The following WWOX variants were observed in gnomAD, a reference collection of about 807,000 sequenced individuals.
The protein encoded by WWOX is WW domain-containing oxidoreductase.
Under a neutral mutation model 46.2 loss-of-function variants are expected in WWOX, and 69 were observed. The ratio of observed to expected loss-of-function variants is 1.49; its 90% CI spans 1.23 to 1.82. The LOEUF (loss-of-function observed/expected upper bound fraction) is 1.82, where lower values mean the gene tolerates loss of function less well. WWOX is among the 40% of genes most tolerant of loss of function. The pLI is 0.00. For synonymous variants in WWOX, 359 were observed against 202.6 expected (o/e 1.77, Z -6.56); for missense variants, 919 against 542.6 (o/e 1.69, Z -6.89).
chr16:78,999,889 C>T (rs1187259445), intron 8 of WWOX, among the ~76,000 whole-genome samples: 1 of 152,094 alleles, frequency 6.6e-6, no homozygotes, highest in African/African-American at 2.4e-5. Context: ...AAAAGAGTTA[C>T]TGTAATGATT....
chr16:78,115,129 G>A lies in WWOX; in HGVS notation c.384G>A (p.Val128=). 6.2e-7 allele frequency: 1 copy of A among 1,614,174 alleles called. No homozygotes were observed. The highest frequency in any genetic ancestry group is 8.5e-7 in the Non-Finnish European group (1 of 1,180,026). The part of the protein sequence containing the change: ...QGRDFTGKVV[V]VTGANSGIGF... Reference sequence around the variant, plus strand: ...GGGATTTCACTGGCAAAGTGGTTGTGGTCACTGGAGCTAATTCAGGAATAG... The same window carrying A: ...GGGATTTCACTGGCAAAGTGGTTGTAGTCACTGGAGCTAATTCAGGAATAG... Residue 128 remains valine (V), a synonymous_variant, in exon 4 of 9, where the codon GTG becomes GTA. Coordinates refer to ENST00000566780, the MANE Select transcript of WWOX (RefSeq NM_016373.4).
At chr16:78,120,245 C>T (rs2033021261) in intron 4 of WWOX, among the ~76,000 whole-genome samples, 1 of 152,080 alleles carries the variant, frequency 6.6e-6, no homozygotes, top group Non-Finnish European at 1.5e-5. Context: ...TTGGTCACTC[C>T]TCAATTTGTT....
At chr16:78,886,639 C>CATATATATATATATAT (rs3085495) in intron 8 of WWOX, among the ~76,000 whole-genome samples, 375 of 144,808 alleles carry the variant, frequency 2.6e-3, no homozygotes, top group African/African-American at 5.3e-3. Flanking sequence ...CAAAGAAAAA[C>CATATATATATATATAT]ATATATATAT....
At chr16:78,637,926 G>T (rs1462821584) in intron 8 of WWOX, among the ~76,000 whole-genome samples, 1 of 152,122 alleles carries the variant, frequency 6.6e-6, no homozygotes, top group Non-Finnish European at 1.5e-5. Flanking sequence ...TCCTTCCTCT[G>T]AGTTGGGGGA....
At chr16:78,156,932 G>GTCAGTCAA (rs958420450) in intron 4 of WWOX, among the ~76,000 whole-genome samples, 20 of 152,260 alleles carry the variant, frequency 1.3e-4, no homozygotes, top group Middle Eastern at 6.8e-3. Context: ...CTCTGTCTCA[G>GTCAGTCAA]TCAGTCAATC....
intron 8 of WWOX, among the ~76,000 whole-genome samples, chr16:78,499,541 T>G (rs1476904667): frequency 6.6e-6 from 1 of 152,250 alleles, no homozygotes; most frequent in African/African-American, 2.4e-5. Context: ...GCTGTCTCCT[T>G]GAGTCCACAA....
chr16:78,258,730 AAAAG>A (rs1228405104), intron 5 of WWOX, among the ~76,000 whole-genome samples: 3 of 151,130 alleles, frequency 2.0e-5, no homozygotes, highest in South Asian at 2.1e-4. Flanking sequence ...AAAAAAAAAA[AAAAG>A]GGCATATTCC....
intron 8 of WWOX, among the ~76,000 whole-genome samples, chr16:78,634,781 G>A (rs1252508898): frequency 6.6e-6 from 1 of 150,680 alleles, no homozygotes; most frequent in Non-Finnish European, 1.5e-5. Context: ...GAAGCTGAGG[G>A]CCAATAGTTT....
At chr16:78,159,692 T>TTA (rs1213886049) in intron 4 of WWOX, among the ~76,000 whole-genome samples, 5 of 148,734 alleles carry the variant, frequency 3.4e-5, no homozygotes, top group Admixed American at 3.3e-4. Context: ...TTTTTTTTTT[T>TTA]TTTGCTATTG....
chr16:78,319,176 C>T (rs907313437), intron 5 of WWOX, among the ~76,000 whole-genome samples: 4 of 151,928 alleles, frequency 2.6e-5, no homozygotes, highest in African/African-American at 4.8e-5. Flanking sequence ...TGGAGGGAGG[C>T]GGGCATGAGC....
chr16:78,904,059 G>A (rs1277138761), intron 8 of WWOX, among the ~76,000 whole-genome samples: 1 of 151,962 alleles, frequency 6.6e-6, no homozygotes, highest in Admixed American at 6.6e-5. Flanking sequence ...CTGAAATTAG[G>A]GAACACCACG....
At chr16:78,923,225 C>T (rs115144203) in intron 8 of WWOX, among the ~76,000 whole-genome samples, 1,683 of 152,206 alleles carry the variant, frequency 0.011, 25 homozygotes, top group African/African-American at 0.037. Context: ...AGGTGATCTG[C>T]GTAACTCGGC....
intron 8 of WWOX, among the ~76,000 whole-genome samples, chr16:78,593,183 T>G (rs1281263215): frequency 6.6e-6 from 1 of 150,666 alleles, no homozygotes; most frequent in East Asian, 2.0e-4. Flanking sequence ...GTATCCTGAT[T>G]CTTTTGAGGA....
intron 8 of WWOX, among the ~76,000 whole-genome samples, chr16:78,763,594 G>A (rs185185509): frequency 1.3e-5 from 2 of 152,114 alleles, no homozygotes; most frequent in East Asian, 1.9e-4. Flanking sequence ...TTTCACTGCC[G>A]AGTTGCTGTC....
intron 8 of WWOX, among the ~76,000 whole-genome samples, chr16:78,908,129 C>T (rs1159768755): frequency 1.3e-5 from 2 of 152,174 alleles, no homozygotes; most frequent in African/African-American, 2.4e-5. Context: ...CACCAGGATT[C>T]TATGGCCAAG....
chr16:78,616,535 G>T (rs917626243), intron 8 of WWOX, among the ~76,000 whole-genome samples: 2 of 151,892 alleles, frequency 1.3e-5, no homozygotes, highest in Non-Finnish European at 1.5e-5. Context: ...GCCGAGGCAG[G>T]TGTCTCGGTG....
At chr16:79,181,423 A>G (rs1283593078) in intron 8 of WWOX, among the ~76,000 whole-genome samples, 1 of 152,150 alleles carries the variant, frequency 6.6e-6, no homozygotes, top group Admixed American at 6.5e-5. Context: ...ATGTTATTAT[A>G]TACTGCTGGT....
intron 4 of WWOX, among the ~76,000 whole-genome samples, chr16:78,141,090 C>T (rs557357920): frequency 6.6e-6 from 1 of 152,126 alleles, no homozygotes; most frequent in African/African-American, 2.4e-5. Context: ...ACATTAGGAA[C>T]CAAGGGGGGA....
chr16:78,787,842 C>G (rs970630493), intron 8 of WWOX, among the ~76,000 whole-genome samples: 3 of 152,114 alleles, frequency 2.0e-5, no homozygotes, highest in Admixed American at 6.6e-5. Flanking sequence ...TTTCTGTTTT[C>G]TTTGAAGGTA....
Sources: gnomAD v4.1 joint callset for allele counts (sites outside exome capture counted in the v4.1 genomes callset) on GRCh38, gnomAD v4.1.1 for gene constraint, MANE v1.5 for transcripts, NCBI Gene and HGNC (gene_info 2026-07-23, HGNC 2026-07-21) for gene names.